Variants in SSH3 observed in about 807,000 individuals in gnomAD.
SSH3 encodes slingshot protein phosphatase 3.
SSH3 carries 67 observed loss-of-function variants against 75.0 expected under a neutral mutation model. The ratio of observed to expected loss-of-function variants is 0.89; its 90% confidence interval spans 0.73 to 1.10. The LOEUF is 1.10. SSH3 is among the 50% of genes least tolerant of loss of function. The pLI is 0.00. For synonymous variants in SSH3, 318 were observed against 349.2 expected (o/e 0.91, Z 1.00); for missense variants, 824 against 872.7 (o/e 0.94, Z 0.70).
intron 2 of SSH3, 114 bp from the exon 3 acceptor site, chr11:67,304,659 G>A: frequency 9.4e-7 from 1 of 1,063,840 alleles, no homozygotes; most frequent in East Asian, 2.6e-5. Flanking sequence ...CCGCGTGGGG[G>A]CCCATGAATC....
rs751511323 is a variant in SSH3 at position 67,307,582 on chromosome 11, G to C, written c.636G>C (p.Glu212Asp). Reference sequence around the variant, plus strand: ...TCCAGGTATTGCACCAAGCATGTGAGGCAGCTCTAGGCAGCGGCCTTGTAC... The same window carrying C: ...TCCAGGTATTGCACCAAGCATGTGACGCAGCTCTAGGCAGCGGCCTTGTAC... ...ATLQVLHQAC[E>D]AALGSGLVPG... The change falls in exon 7 of 14, where the codon GAG (glutamate) becomes GAC (aspartate). Residue 212 changes from glutamate (E) to aspartate (D), a missense_variant. Glu to Asp is a conservative substitution (Grantham distance 45). Coordinates refer to ENST00000308127, the MANE Select transcript of SSH3 (RefSeq NM_017857.4). This position sits in a 1 kb window ranked among gnomAD's most constrained non-coding sequence, Gnocchi z 4.2. 1 of 1,612,222 alleles carries C rather than the reference G, an allele frequency of 6.2e-7. No homozygotes were observed. The highest frequency in any genetic ancestry group is 1.7e-5 in the Admixed American group (1 of 59,866).
At chr11:67,305,194 G>GT (rs1235315912) in intron 3 of SSH3, among the ~76,000 whole-genome samples, 187 bp downstream of exon 3, 148 of 149,160 alleles carry the variant, frequency 9.9e-4, no homozygotes, top group Admixed American at 1.9e-3. Flanking sequence ...TTTTTTGTTT[G>GT]TTTTTTTTTT....
At chr11:67,303,943 C>G (rs1393504014) in intron 1 of SSH3, 175 bp from the exon 2 acceptor site, 6 of 913,680 alleles carry the variant, frequency 6.6e-6, no homozygotes, top group South Asian at 1.9e-5. Context: ...CCCACCCAGC[C>G]GACCTGGCCT....
Position 67,310,218 on chromosome 11 carries a change from C to T in SSH3, c.1562C>T (p.Ala521Val). ...GTAGGCATGGAAGAGAGCCAGGCAG[C>T]CCCGAAAGAAGAGCCTGGGCCACGG... ...KVVGMEESQA[A>V]PKEEPGPRPR... is the part of the protein sequence containing the mutation. Residue 521 changes from alanine to valine, a missense_variant, in exon 13 of 14, where the codon GCC becomes GTC. Physicochemically the swap from Ala to Val is moderately conservative, Grantham distance 64 (BLOSUM62 0). Coordinates refer to ENST00000308127, the MANE Select transcript of SSH3 (RefSeq NM_017857.4). The T allele has an allele frequency of 6.2e-7, 1 of 1,614,196 alleles. No homozygotes were observed. Among genetic ancestry groups the T allele is most frequent in the South Asian group, 1.1e-5 (1 of 91,082 alleles).
At chr11:67,304,015 A>T (rs1302268785) in intron 1 of SSH3, 103 bp from the exon 2 acceptor site, 1 of 1,403,480 alleles carries the variant, frequency 7.1e-7, no homozygotes, top group Admixed American at 2.1e-5. Flanking sequence ...GACGATTGGC[A>T]TCTGGCGCCT....
chr11:67,307,831 G>C lies in SSH3; in HGVS notation c.792-15G>C. 1.2e-6 allele frequency: 2 copies of C among 1,614,178 alleles called. No individual in the cohort carries two copies. The highest frequency in any genetic ancestry group is 1.7e-6 in the Non-Finnish European group (2 of 1,180,028). ...GAGGGGAAAGGGCCCCTTGACTGAG[G>C]GGCTCTGCTCCCAGGTCCTCAGAAC... is the stretch of plus-strand genomic sequence containing the variant. On this transcript the variant is annotated splice_polypyrimidine_tract_variant and intron_variant, in intron 7 of 13. Transcript: ENST00000308127. The surrounding 1 kb of genome is among the most constrained non-coding windows in gnomAD (Gnocchi z 4.2).
At chr11:67,311,110 G>A (rs1325831921) in intron 13 of SSH3, among the ~76,000 whole-genome samples, 1 of 152,230 alleles carries the variant, frequency 6.6e-6, no homozygotes, top group Non-Finnish European at 1.5e-5. Flanking sequence ...TGGAGGAGGT[G>A]TGGGTGGGGA....
In SSH3 at chr11:67,307,968, C is replaced by T; in HGVS notation, c.885+29C>T. ...GGCAGGGGGCCCGGGGACTGAGTCC[C>T]CTCTAGCAGGGGCTGCAAGCTTGCC... On this transcript the variant is annotated intron_variant, in intron 8 of 13. Transcript: ENST00000308127. The surrounding 1 kb of genome is among the most constrained non-coding windows in gnomAD (Gnocchi z 4.2). 1 of 1,613,330 alleles carries T rather than the reference C, an allele frequency of 6.2e-7. No individual in the cohort carries two copies.
In SSH3 at chr11:67,308,862, G is replaced by A. The variant is rs1269283645; in HGVS notation, c.1061+404G>A. The stretch of plus-strand genomic sequence containing the variant: ...CTGGAGATTGAGGCCGCAGTGAGCC[G>A]TGATCACGCCACTGCACTCCAGCCT... On this transcript the variant is annotated intron_variant, in intron 10 of 13. Coordinates refer to ENST00000308127, the MANE Select transcript of SSH3 (RefSeq NM_017857.4). The surrounding 1 kb of genome is among the most constrained non-coding windows in gnomAD (Gnocchi z 4.9). Among the ~76,000 whole-genome samples the A allele has an allele frequency of 8.6e-5, 13 of 152,030 alleles. No individual in the cohort carries two copies. Among genetic ancestry groups the A allele is most frequent in the Admixed American group, 5.9e-4 (9 of 15,268 alleles).
chr11:67,303,905 C>A, intron 1 of SSH3: 1 of 767,168 alleles, frequency 1.3e-6, no homozygotes, highest in Non-Finnish European at 1.9e-6. Context: ...AGGCCCCGAT[C>A]TGAGCGCGCC....
At position 67,304,785 on chromosome 11, in the gene SSH3, G is replaced by T; in HGVS notation, c.117G>T (p.Ala39=). 6.2e-7 allele frequency: 1 copy of T among 1,605,376 alleles called. No individual in the cohort carries two copies. Among genetic ancestry groups the T allele is most frequent in the Non-Finnish European group, 8.5e-7 (1 of 1,176,598 alleles). ...ACTGCCCTGCCAGGCAGAGCTTTGC[G>T]GTGCTCCGTGGGGCTGTCCTGGGAC... ...RSRLQRRQSF[A]VLRGAVLGLQ... Residue 39 remains alanine, a synonymous_variant, in exon 3 of 14, where the codon GCG becomes GCT. Transcript: ENST00000308127.
intron 10 of SSH3, 80 bp from the exon 11 acceptor site, chr11:67,309,317 C>A: frequency 6.3e-7 from 1 of 1,576,422 alleles, no homozygotes; most frequent in Non-Finnish European, 8.7e-7. Context: ...TAAAGCGAGG[C>A]CCAGGGGCTG....
chr11:67,311,420 G>C (rs1565091190), intron 13 of SSH3, among the ~76,000 whole-genome samples, 171 bp from the exon 14 acceptor site: 1 of 152,214 alleles, frequency 6.6e-6, no homozygotes, highest in Non-Finnish European at 1.5e-5. Context: ...TCCCGAGGAA[G>C]CGTGGCTGTG....
chr11:67,309,810 C>T lies in SSH3; in HGVS notation c.1251C>T (p.Val417=), dbSNP rs1367328659. 1.9e-6 allele frequency: 3 copies of T among 1,613,362 alleles called. No individual in the cohort carries two copies. The highest frequency in any genetic ancestry group is 2.5e-6 in the Non-Finnish European group (3 of 1,180,040). ...THVLVHCKMG[V]SRSAATVLAY... ...TGCTGGTCCACTGCAAGATGGGCGT[C>T]AGCCGCTCAGCGGCCACAGTGCTGG... Residue 417 remains valine (V), a synonymous_variant, in exon 12 of 14, where the codon GTC becomes GTT. Transcript: ENST00000308127.
In SSH3 at chr11:67,309,377, C is replaced by A; in HGVS notation, c.1062-20C>A. ...GGTACCTCTGCCCACATCAGCCTGGCCTTGGGCCCTCTGGGACAGGGTCAC... is the reference window on the plus strand; with the variant it reads ...GGTACCTCTGCCCACATCAGCCTGGACTTGGGCCCTCTGGGACAGGGTCAC... On this transcript the variant is annotated intron_variant, in intron 10 of 13. Coordinates refer to ENST00000308127, the MANE Select transcript of SSH3 (RefSeq NM_017857.4). 1 of 1,613,982 alleles carries A rather than the reference C, an allele frequency of 6.2e-7. No homozygotes were observed. The highest frequency in any genetic ancestry group is 8.5e-7 in the Non-Finnish European group (1 of 1,179,970).
intron 3 of SSH3, among the ~76,000 whole-genome samples, 162 bp from the exon 4 acceptor site, chr11:67,306,676 T>A (rs575931234): frequency 6.6e-6 from 1 of 152,220 alleles, no homozygotes; most frequent in African/African-American, 2.4e-5. Flanking sequence ...CATTCCCCGC[T>A]TTTTTCCACA....
At chr11:67,305,121 C>T (rs1861198490) in intron 3 of SSH3, 114 bp downstream of exon 3, 3 of 1,022,442 alleles carry the variant, frequency 2.9e-6, no homozygotes, top group Non-Finnish European at 4.3e-6. Context: ...CAGGGGGCAG[C>T]CTGGGGAGTG....
Position 67,307,290 on chromosome 11 carries a change from G to T in SSH3, c.537-81G>T. 6.3e-7 allele frequency: 1 copy of T among 1,587,428 alleles called. No homozygotes were observed. Among genetic ancestry groups the T allele is most frequent in the East Asian group, 2.3e-5 (1 of 43,412 alleles). ...GCAAGGCACCTGACTCCTGGGTCTCGGCTTCCCGTATCCAGCAAAAGGATG... is the reference window on the plus strand; with the variant it reads ...GCAAGGCACCTGACTCCTGGGTCTCTGCTTCCCGTATCCAGCAAAAGGATG... On this transcript the variant is annotated intron_variant, in intron 5 of 13. Transcript: ENST00000308127. The surrounding 1 kb of genome is among the most constrained non-coding windows in gnomAD (Gnocchi z 4.2).
Position 67,311,937 on chromosome 11 carries a change from C to T in SSH3, c.*50C>T. 6.3e-7 allele frequency: 1 copy of T among 1,591,952 alleles called. No homozygotes were observed. The highest frequency in any genetic ancestry group is 1.1e-5 in the South Asian group (1 of 89,452). Reference sequence around the variant, plus strand: ...CTGACACTGAAGAGGATCCACAACTCCTTGGAGAAACACCCTCACGTCTGT... The same window carrying T: ...CTGACACTGAAGAGGATCCACAACTTCTTGGAGAAACACCCTCACGTCTGT... On this transcript the variant is annotated 3_prime_UTR_variant, in exon 14 of 14. Coordinates refer to ENST00000308127, the MANE Select transcript of SSH3 (RefSeq NM_017857.4).
Sources: allele counts gnomAD v4.1 joint callset (sites outside exome capture counted in the v4.1 genomes callset), GRCh38; gene constraint gnomAD v4.1.1; non-coding constraint Gnocchi (gnomAD v3.1); transcripts MANE v1.5; gene names NCBI Gene and HGNC (gene_info 2026-07-23, HGNC 2026-07-21).